Variants in OLFM3 observed in about 807,000 individuals in gnomAD.
OLFM3 encodes the protein noelin-3.
A neutral mutation model predicts 48.6 loss-of-function variants in OLFM3; 20 were observed. That is an observed-to-expected ratio of 0.41 (90% CI 0.29 to 0.60). OLFM3 has a LOEUF of 0.60. Among genes scored for constraint, OLFM3 ranks in the 20% least tolerant of loss-of-function variants. The pLI is 0.28. For missense variants in OLFM3, 437 were observed against 544.3 expected (o/e 0.80, Z 1.96); for synonymous variants, 222 against 198.1 (o/e 1.12, Z -1.01).
chr1:101,988,652 AT>A (rs573799292), intron 1 of OLFM3, among the ~76,000 whole-genome samples: 1 of 152,022 alleles, frequency 6.6e-6, no homozygotes, highest in East Asian at 1.9e-4. Context: ...TCATATATTC[AT>A]TTTTTCATGC....
intron 1 of OLFM3, among the ~76,000 whole-genome samples, chr1:101,899,364 G>A (rs973170679): frequency 2.6e-5 from 4 of 152,180 alleles, no homozygotes; most frequent in Non-Finnish European, 5.9e-5. Flanking sequence ...CAAACAAAAG[G>A]GAGAATAAGA....
chr1:101,994,714 A>G (rs989440375), intron 1 of OLFM3, among the ~76,000 whole-genome samples: 1 of 151,626 alleles, frequency 6.6e-6, no homozygotes, highest in East Asian at 1.9e-4. Context: ...CTTGTTTTGA[A>G]AGTTTTAATA....
intron 1 of OLFM3, among the ~76,000 whole-genome samples, chr1:101,907,504 T>C (rs1658593237): frequency 6.6e-6 from 1 of 152,216 alleles, no homozygotes; most frequent in Admixed American, 6.5e-5. Context: ...TTGATAGCTG[T>C]TTCTGTGATG....
At chr1:101,849,336 G>A (rs758408174) in intron 1 of OLFM3, among the ~76,000 whole-genome samples, 1 of 152,224 alleles carries the variant, frequency 6.6e-6, no homozygotes, top group African/African-American at 2.4e-5. Flanking sequence ...CTATTGAGAA[G>A]TAGCGGACTG....
chr1:101,872,057 G>A (rs1291074322), intron 1 of OLFM3, among the ~76,000 whole-genome samples: 1 of 152,046 alleles, frequency 6.6e-6, no homozygotes, highest in Non-Finnish European at 1.5e-5. Flanking sequence ...TGGCAGTTTT[G>A]CAGGAGTGAA....
At chr1:101,901,118 A>T (rs1223359011) in intron 1 of OLFM3, among the ~76,000 whole-genome samples, 1 of 152,004 alleles carries the variant, frequency 6.6e-6, no homozygotes, top group Non-Finnish European at 1.5e-5. Flanking sequence ...CTCACTTAAC[A>T]AACTGGTTAA....
At chr1:101,943,720 T>C (rs1384432699) in intron 1 of OLFM3, among the ~76,000 whole-genome samples, 1 of 152,176 alleles carries the variant, frequency 6.6e-6, no homozygotes, top group Non-Finnish European at 1.5e-5. Flanking sequence ...TAAAAATGTA[T>C]AGATGTATGT....
chr1:101,860,004 T>A (rs1276259163), intron 1 of OLFM3: 3 of 152,064 alleles, frequency 2.0e-5, no homozygotes, highest in Admixed American at 6.5e-5. Context: ...AAACACTTTT[T>A]GAGTAGAAGG....
intron 1 of OLFM3, among the ~76,000 whole-genome samples, chr1:101,964,795 G>A (rs1297933400): frequency 6.6e-6 from 1 of 152,164 alleles, no homozygotes; most frequent in Non-Finnish European, 1.5e-5. Flanking sequence ...AAAGTATACA[G>A]GAGAAATCCA....
At chr1:101,856,378 C>T (rs998037890) in intron 1 of OLFM3, among the ~76,000 whole-genome samples, 5 of 151,908 alleles carry the variant, frequency 3.3e-5, no homozygotes, top group Admixed American at 1.3e-4. Context: ...CATTAAATTG[C>T]GCTTTTTGGC....
intron 1 of OLFM3, among the ~76,000 whole-genome samples, chr1:101,881,508 G>A (rs977228650): frequency 6.6e-5 from 10 of 151,790 alleles, no homozygotes; most frequent in East Asian, 5.8e-4. Context: ...TTTGCCTGCC[G>A]TATAATAATA....
chr1:101,826,259 C>T (rs1557690314), intron 3 of OLFM3, among the ~76,000 whole-genome samples: 1 of 151,964 alleles, frequency 6.6e-6, no homozygotes, highest in Non-Finnish European at 1.5e-5. Flanking sequence ...GGTTTCTAGA[C>T]ATGTCACCGT....
intron 1 of OLFM3, among the ~76,000 whole-genome samples, chr1:101,853,751 G>A (rs1656310216): frequency 6.6e-6 from 1 of 152,054 alleles, no homozygotes; most frequent in Non-Finnish European, 1.5e-5. Context: ...TTCCAGTATT[G>A]TGTTTTGCAT....
chr1:101,887,058 C>A (rs1657791570), intron 1 of OLFM3, among the ~76,000 whole-genome samples: 3 of 151,570 alleles, frequency 2.0e-5, no homozygotes, highest in African/African-American at 7.3e-5. Context: ...TAATTTAGAC[C>A]ATTTTTTCAA....
chr1:101,887,086 T>G (rs907641189), intron 1 of OLFM3, among the ~76,000 whole-genome samples: 3 of 152,000 alleles, frequency 2.0e-5, no homozygotes, highest in Non-Finnish European at 1.5e-5. Context: ...GGAGAAAATT[T>G]TGTTTTTTTA....
At chr1:101,826,656 A>T (rs1461453774) in intron 3 of OLFM3, among the ~76,000 whole-genome samples, 1 of 152,244 alleles carries the variant, frequency 6.6e-6, no homozygotes, top group East Asian at 1.9e-4. Context: ...TGGGAGGCTA[A>T]GGAGAGACTT....
In OLFM3 at chr1:101,804,961, T is replaced by C. The variant is rs771697882; in HGVS notation, c.700-46A>G. On this transcript the variant is annotated intron_variant, in intron 5 of 5. Coordinates refer to ENST00000370103, the MANE Select transcript of OLFM3 (RefSeq NM_058170.4). The surrounding 1 kb of genome is among the most constrained non-coding windows in gnomAD (Gnocchi z 4.5). ...AAATGGAGTGACTAAATTCTGTACT[T>C]TTCTGATAACCCCAAAAGAAAGACA... 1 of 1,440,810 alleles carries C rather than the reference T, an allele frequency of 6.9e-7. No homozygotes were observed. The highest frequency in any genetic ancestry group is 9.4e-7 in the Non-Finnish European group (1 of 1,059,850). 89.3% of individuals were successfully genotyped at this position (1,440,810 alleles called of 1,614,324 possible).
At chr1:101,950,034 A>AC (rs1660084655) in intron 1 of OLFM3, among the ~76,000 whole-genome samples, 1 of 149,982 alleles carries the variant, frequency 6.7e-6, no homozygotes, top group Non-Finnish European at 1.5e-5. Context: ...TCTTAAAAAA[A>AC]AAAAAAAAAA....
chr1:101,815,556 T>C (rs1175051997), intron 4 of OLFM3, among the ~76,000 whole-genome samples: 1 of 151,794 alleles, frequency 6.6e-6, no homozygotes, highest in African/African-American at 2.4e-5. Context: ...GTTTTTAGAA[T>C]AAAGTGGATA....
Sources: allele counts gnomAD v4.1 joint callset (sites outside exome capture counted in the v4.1 genomes callset), GRCh38; gene constraint gnomAD v4.1.1; non-coding constraint Gnocchi (gnomAD v3.1); transcripts MANE v1.5; gene names NCBI Gene and HGNC (gene_info 2026-07-23, HGNC 2026-07-21).